The following FBLN7 variants were observed in gnomAD, a reference collection of about 807,000 sequenced individuals.
FBLN7 encodes fibulin-7.
A neutral mutation model predicts 44.0 loss-of-function variants in FBLN7; 31 were observed. That is an observed-to-expected ratio of 0.70 (90% CI 0.53 to 0.95). The LOEUF (loss-of-function observed/expected upper bound fraction) is 0.95, where lower values mean the gene tolerates loss of function less well. FBLN7 is among the 40% of genes least tolerant of loss of function. The probability of loss-of-function intolerance (pLI) is 0.00; values close to 1 mark genes in which losing one functional copy is unlikely to be tolerated. For synonymous variants in FBLN7, 262 were observed against 253.4 expected, an observed-to-expected ratio of 1.03 and a Z score of -0.32; for missense variants, 573 against 618.5, an observed-to-expected ratio of 0.93 and a Z score of 0.78.
chr2:112,140,151 T>C (rs112830591), intron 1 of FBLN7, among the ~76,000 whole-genome samples: 37 of 92,820 alleles, frequency 4.0e-4, no homozygotes, highest in Admixed American at 1.5e-3. Context: ...TCCACGCCAG[T>C]GTCCCTCCCG....
At chr2:112,213,327 G>A in the FBLN7 span, 1 of 151,898 alleles carries the variant, frequency 6.6e-6, no homozygotes, top group African/African-American at 2.4e-5. Flanking sequence ...ACTAGTCAGT[G>A]AACTAAGACA....
Position 112,187,327 on chromosome 2 carries a change from C to A in FBLN7, c.1141C>A (p.Arg381Ser). Residue 381 changes from arginine to serine, a missense_variant, in exon 8 of 8, where the codon CGC (arginine) becomes AGC (serine). Coordinates refer to ENST00000331203, the MANE Select transcript of FBLN7 (RefSeq NM_153214.3). The surrounding 1 kb of genome is among the most constrained non-coding windows in gnomAD (Gnocchi z 5.1). ...GTTTGGGATCGTGGGTGGGAACAGC[C>A]GCGGCCACTTTGTGATGCAGCGTTC... ...LRFGIVGGNS[R>S]GHFVMQRSDR... The A allele has an allele frequency of 1.2e-6, 2 of 1,614,160 alleles. No individual in the cohort carries two copies. The highest frequency in any genetic ancestry group is 1.7e-6 in the Non-Finnish European group (2 of 1,180,046).
At chr2:112,208,816 C>T in the FBLN7 span, among the ~76,000 whole-genome samples, 7 of 152,152 alleles carry the variant, frequency 4.6e-5, no homozygotes, top group African/African-American at 1.7e-4. Context: ...AAAGTGACAA[C>T]TTCAAGTTCC....
downstream of FBLN7, chr2:112,188,240 T>A (rs536243666): frequency 1.3e-5 from 2 of 152,256 alleles, no homozygotes; most frequent in Non-Finnish European, 2.9e-5. Flanking sequence ...TACCTGAGCA[T>A]GAGACAGCCC....
the FBLN7 span, among the ~76,000 whole-genome samples, chr2:112,206,949 T>C: frequency 6.6e-6 from 1 of 151,122 alleles, no homozygotes; most frequent in African/African-American, 2.4e-5. Flanking sequence ...TCCAGGCTGG[T>C]CTCAAACTCC....
intron 3 of FBLN7, among the ~76,000 whole-genome samples, chr2:112,167,734 A>G (rs1682234584): frequency 6.6e-6 from 1 of 152,206 alleles, no homozygotes; most frequent in African/African-American, 2.4e-5. Context: ...CGTTCTTGCT[A>G]TTGCCAGAAG....
At chr2:112,236,489 T>G in the FBLN7 span, 1 of 1,566,086 alleles carries the variant, frequency 6.4e-7, no homozygotes, top group East Asian at 2.3e-5. Flanking sequence ...TAGCACTTCT[T>G]GTCACTGAAG....
At chr2:112,141,156 C>T (rs566448950) in intron 1 of FBLN7, among the ~76,000 whole-genome samples, 1 of 152,336 alleles carries the variant, frequency 6.6e-6, no homozygotes, top group East Asian at 1.9e-4. Context: ...CCTGGTGCGC[C>T]TCAGGCTCCC....
At position 112,138,400 on chromosome 2, in the gene FBLN7, G is replaced by A; in HGVS notation, c.-256G>A. The A allele has an allele frequency of 4.9e-6, 1 of 202,838 alleles. No homozygotes were observed. The highest frequency in any genetic ancestry group is 9.6e-6 in the Non-Finnish European group (1 of 104,678). The allele number at this position is 202,838 out of a possible 1,614,324, so 12.6% of individuals were successfully genotyped here. A position where few individuals can be genotyped will look rare whatever the true frequency, so the allele number is the denominator to read the frequency against. The stretch of plus-strand genomic sequence containing the variant: ...CTCCCTCGTCCTTAGCCCAGGGGCC[G>A]GCGCCTCCCCGCCTCGCGCGGACTG... On this transcript the variant is annotated 5_prime_UTR_variant, in exon 1 of 8. Transcript: ENST00000331203.
the FBLN7 span, chr2:112,234,045 G>A: frequency 1.2e-6 from 1 of 833,512 alleles, no homozygotes; most frequent in East Asian, 3.0e-5. Context: ...AAACCTAAAG[G>A]TATGAATTAA....
At chr2:112,143,892 T>C (rs949627962) in intron 1 of FBLN7, among the ~76,000 whole-genome samples, 2 of 152,198 alleles carry the variant, frequency 1.3e-5, no homozygotes, top group African/African-American at 4.8e-5. Flanking sequence ...CTCCACAATG[T>C]CATATAAATG....
intron 1 of FBLN7, among the ~76,000 whole-genome samples, chr2:112,145,518 A>C (rs1374598760): frequency 6.6e-6 from 1 of 152,190 alleles, no homozygotes; most frequent in East Asian, 1.9e-4. Context: ...CTCAGTTTGT[A>C]GCTTAACAAT....
the FBLN7 span, among the ~76,000 whole-genome samples, chr2:112,202,094 G>C: frequency 6.6e-6 from 1 of 152,194 alleles, no homozygotes; most frequent in Non-Finnish European, 1.5e-5. Flanking sequence ...AGACTTATGG[G>C]AATGGTAAAT....
At chr2:112,143,591 A>G (rs1378447749) in intron 1 of FBLN7, among the ~76,000 whole-genome samples, 1 of 152,176 alleles carries the variant, frequency 6.6e-6, no homozygotes, top group Non-Finnish European at 1.5e-5. Context: ...TATGTGTGGC[A>G]ACCACCACCA....
At chr2:112,241,241 T>C in the FBLN7 span, among the ~76,000 whole-genome samples, 1 of 152,092 alleles carries the variant, frequency 6.6e-6, no homozygotes, top group Non-Finnish European at 1.5e-5. Flanking sequence ...CCCAGGTACT[T>C]TCCCTAGGAA....
the FBLN7 span, among the ~76,000 whole-genome samples, chr2:112,195,244 T>G: frequency 6.6e-6 from 1 of 152,222 alleles, no homozygotes; most frequent in Non-Finnish European, 1.5e-5. Context: ...AATTAGATCG[T>G]AGCAATCTAG....
At chr2:112,169,167 G>C (rs748593509) in intron 3 of FBLN7, among the ~76,000 whole-genome samples, 11 of 152,176 alleles carry the variant, frequency 7.2e-5, no homozygotes, top group African/African-American at 1.2e-4. Context: ...AGCTACTCAG[G>C]AGGCTGAGGC....
At chr2:112,179,076 A>G (rs950235443) in intron 4 of FBLN7, among the ~76,000 whole-genome samples, 6 of 152,248 alleles carry the variant, frequency 3.9e-5, no homozygotes, top group African/African-American at 1.4e-4. Flanking sequence ...ATGATTCTAT[A>G]TCTAGAAAAT....
chr2:112,233,103 A>G, the FBLN7 span, among the ~76,000 whole-genome samples: 1 of 152,062 alleles, frequency 6.6e-6, no homozygotes, highest in Admixed American at 6.5e-5. Flanking sequence ...CTTGCTTATG[A>G]AAAAATCCAC....
Sources: gnomAD v4.1 joint callset for allele counts (sites outside exome capture counted in the v4.1 genomes callset) on GRCh38, gnomAD v4.1.1 for gene constraint, Gnocchi (gnomAD v3.1) non-coding constraint, MANE v1.5 for transcripts, NCBI Gene and HGNC (gene_info 2026-07-23, HGNC 2026-07-21) for gene names.